TTYH2: variants seen among roughly 807,000 people sequenced by gnomAD.
TTYH2 encodes the protein tweety family member 2.
In TTYH2, 49 loss-of-function variants were observed where a neutral mutation model predicts 68.3. That is an observed-to-expected ratio of 0.72 (90% CI 0.57 to 0.91). The LOEUF is 0.91. Among genes scored for constraint, TTYH2 ranks in the 40% least tolerant of loss-of-function variants. The pLI is 0.00. For missense variants in TTYH2, 631 were observed against 700.4 expected, an observed-to-expected ratio of 0.90 and a Z score of 1.12; for synonymous variants, 272 against 300.8, an observed-to-expected ratio of 0.90 and a Z score of 0.99.
At chr17:74,250,930 T>C (rs2050616443) in intron 10 of TTYH2, among the ~76,000 whole-genome samples, 1 of 133,330 alleles carries the variant, frequency 7.5e-6, no homozygotes, top group African/African-American at 2.9e-5. Flanking sequence ...TTATATCCAG[T>C]ATGTCATTCA....
At chr17:74,237,264 C>T (rs757447999) in intron 3 of TTYH2, 30 bp from the exon 4 acceptor site, 8 of 1,608,914 alleles carry the variant, frequency 5.0e-6, no homozygotes, top group Admixed American at 1.7e-5. Context: ...AGCTCTACCT[C>T]CATGGCTTTT....
Position 74,215,325 on chromosome 17 carries a change from G to T in TTYH2, c.129+1609G>T, listed in dbSNP as rs1355000273. Among the ~76,000 whole-genome samples, 1 of 152,082 alleles carries T rather than the reference G, an allele frequency of 6.6e-6. No individual in the cohort carries two copies. Among genetic ancestry groups the T allele is most frequent in the African/African-American group, 2.4e-5 (1 of 41,408 alleles). On this transcript the variant is annotated intron_variant, in intron 1 of 13. Coordinates refer to ENST00000269346, the MANE Select transcript of TTYH2 (RefSeq NM_032646.6). This position sits in a 1 kb window ranked among gnomAD's most constrained non-coding sequence, Gnocchi z 4.3. ...TCAAGAAGACCCCTAGGTGGGGGTA[G>T]GGATGGTAAGGGGACTCCCTCACCC... is the stretch of plus-strand genomic sequence containing the variant.
chr17:74,249,016 C>G lies in TTYH2; in HGVS notation c.810C>G (p.Thr270=). 1.2e-6 allele frequency: 2 copies of G among 1,614,170 alleles called. No homozygotes were observed. Among genetic ancestry groups the G allele is most frequent in the Non-Finnish European group, 1.7e-6 (2 of 1,180,024 alleles). The change falls in exon 7 of 14, where the codon ACC becomes ACG. Residue 270 remains threonine (T), a synonymous_variant. Coordinates refer to ENST00000269346, the MANE Select transcript of TTYH2 (RefSeq NM_032646.6). ...LAADGSAAVA[T]SDFCVAPDTF... Reference sequence around the variant, plus strand: ...TCCCTCTCTCCCTCACTCAGGCCACCAGTGACTTCTGTGTGGCTCCTGACA... The same window carrying G: ...TCCCTCTCTCCCTCACTCAGGCCACGAGTGACTTCTGTGTGGCTCCTGACA...
At chr17:74,227,208 C>G (rs1199272444) in intron 2 of TTYH2, among the ~76,000 whole-genome samples, 1 of 152,164 alleles carries the variant, frequency 6.6e-6, no homozygotes, top group Non-Finnish European at 1.5e-5. Flanking sequence ...CTCTTGACCT[C>G]AGGTGATCTG....
Position 74,215,766 on chromosome 17 carries a change from G to C in TTYH2, c.129+2050G>C. The stretch of plus-strand genomic sequence containing the variant: ...TCTCCTGGATGTCTTCTTTCCTCCT[G>C]AGCACCAGTCACTAACAGAGTCAGG... On this transcript the variant is annotated intron_variant, in intron 1 of 13. Transcript: ENST00000269346. The surrounding 1 kb of genome is among the most constrained non-coding windows in gnomAD (Gnocchi z 4.3). The C allele has an allele frequency of 6.7e-7, 1 of 1,502,168 alleles. No homozygotes were observed. Among genetic ancestry groups the C allele is most frequent in the Admixed American group, 2.0e-5 (1 of 50,938 alleles). 93.1% of individuals were successfully genotyped at this position (1,502,168 alleles called of 1,614,324 possible).
Position 74,253,748 on chromosome 17 carries a change from C to A in TTYH2, c.1446-7C>A. 6.2e-7 allele frequency: 1 copy of A among 1,614,152 alleles called. No individual in the cohort carries two copies. Among genetic ancestry groups the A allele is most frequent in the Non-Finnish European group, 8.5e-7 (1 of 1,180,004 alleles). On this transcript the variant is annotated splice_polypyrimidine_tract_variant and splice_region_variant and intron_variant, in intron 12 of 13. Transcript: ENST00000269346. ...TCCCCTCCTGAGCTCTCCTCTCATC[C>A]CCGCAGGAACCAAGCCATGCTCTTT...
chr17:74,245,508 G>T (rs1233158454), intron 6 of TTYH2, among the ~76,000 whole-genome samples: 1 of 152,224 alleles, frequency 6.6e-6, no homozygotes, highest in Non-Finnish European at 1.5e-5. Flanking sequence ...CTGCCCTGTG[G>T]TGGCCGCCCC....
intron 10 of TTYH2, 173 bp from the exon 11 acceptor site, chr17:74,252,061 T>G: frequency 1.3e-6 from 1 of 744,236 alleles, no homozygotes; most frequent in Non-Finnish European, 2.2e-6. Flanking sequence ...GAAGCCCCAT[T>G]GTGTTAGGCT....
chr17:74,246,275 G>C (rs1276745406), intron 6 of TTYH2, among the ~76,000 whole-genome samples: 4 of 152,140 alleles, frequency 2.6e-5, no homozygotes, highest in Non-Finnish European at 4.4e-5. Flanking sequence ...CAGCCACCCT[G>C]TCTGGGCCCA....
intron 3 of TTYH2, among the ~76,000 whole-genome samples, chr17:74,235,260 T>A (rs1448314552): frequency 6.6e-6 from 1 of 152,174 alleles, no homozygotes; most frequent in African/African-American, 2.4e-5. Flanking sequence ...TGGAATCTAA[T>A]CGGCCTTGCT....
Position 74,222,417 on chromosome 17 carries a change from G to T in TTYH2, c.130-68G>T. The T allele has an allele frequency of 6.6e-7, 1 of 1,504,318 alleles. No homozygotes were observed. Among genetic ancestry groups the T allele is most frequent in the Non-Finnish European group, 8.9e-7 (1 of 1,122,144 alleles). The allele number at this position is 1,504,318 out of a possible 1,614,324, so 93.2% of individuals were successfully genotyped here. On this transcript the variant is annotated intron_variant, in intron 1 of 13. Coordinates refer to ENST00000269346, the MANE Select transcript of TTYH2 (RefSeq NM_032646.6). The surrounding 1 kb of genome is among the most constrained non-coding windows in gnomAD (Gnocchi z 5.2). ...GGCAGTGGGGCACTCAGGGCCCAAGGGCAGGGCACTTCCAGAGCCCCGCAC... is the reference window on the plus strand; with the variant it reads ...GGCAGTGGGGCACTCAGGGCCCAAGTGCAGGGCACTTCCAGAGCCCCGCAC...
rs1014868673 is a variant in TTYH2 at position 74,248,267 on chromosome 17, G to A, written c.805-744G>A. ...TTATCCAGTCCCTAGAGCACCCCAG[G>A]CCAGATCTGGGGTGCGCCTGGCTTG... On this transcript the variant is annotated intron_variant, in intron 6 of 13. Transcript: ENST00000269346. 11 of 985,538 alleles carry A rather than the reference G, an allele frequency of 1.1e-5. No homozygotes were observed. The South Asian group carries it at 3.8e-4, about 34-fold the overall frequency. The allele number at this position is 985,538 out of a possible 1,614,324, so 61.0% of individuals were successfully genotyped here. A position where few individuals can be genotyped will look rare whatever the true frequency, so the allele number is the denominator to read the frequency against.
At chr17:74,240,068 G>A (rs2050483605) in intron 4 of TTYH2, among the ~76,000 whole-genome samples, 1 of 152,220 alleles carries the variant, frequency 6.6e-6, no homozygotes, top group Non-Finnish European at 1.5e-5. Flanking sequence ...GAAGGATGGT[G>A]TCAACTGCAC....
chr17:74,228,086 C>T (rs533611913), intron 2 of TTYH2, among the ~76,000 whole-genome samples: 4 of 149,288 alleles, frequency 2.7e-5, no homozygotes, highest in Non-Finnish European at 4.4e-5. Flanking sequence ...TGGGTTCTAG[C>T]GATTCTCCTG....
intron 8 of TTYH2, 147 bp from the exon 9 acceptor site, chr17:74,249,789 G>T: frequency 2.3e-6 from 2 of 866,460 alleles, no homozygotes; most frequent in Non-Finnish European, 3.7e-6. Flanking sequence ...AAGTGGAGGG[G>T]CCTGTGCAGC....
chr17:74,215,579 A>C lies in TTYH2; in HGVS notation c.129+1863A>C. 6.6e-7 allele frequency: 1 copy of C among 1,513,060 alleles called. No homozygotes were observed. The allele number at this position is 1,513,060 out of a possible 1,614,324, so 93.7% of individuals were successfully genotyped here. A position where few individuals can be genotyped will look rare whatever the true frequency, so the allele number is the denominator to read the frequency against. On this transcript the variant is annotated intron_variant, in intron 1 of 13. Transcript: ENST00000269346. The surrounding 1 kb of genome is among the most constrained non-coding windows in gnomAD (Gnocchi z 4.3). ...CGGCCACTGCTCCTGGGCAGCTGAC[A>C]CCAGCCCTGCCCACTGGCTCCTGGT...
chr17:74,253,794 G>C lies in TTYH2; in HGVS notation c.1485G>C (p.Glu495Asp). 1 of 1,614,182 alleles carries C rather than the reference G, an allele frequency of 6.2e-7. No homozygotes were observed. The highest frequency in any genetic ancestry group is 8.5e-7 in the Non-Finnish European group (1 of 1,180,034). ...TCTTTGGTAGGAACCCACGCTACGA[G>C]AACGTGCCACTAATCGGGAGAGCCT... ...AMLFGRNPRY[E>D]NVPLIGRASP... Residue 495 changes from glutamate to aspartate, a missense_variant, in exon 13 of 14, where the codon GAG (glutamate) becomes GAC (aspartate). Glu to Asp is a conservative substitution (Grantham distance 45). Transcript: ENST00000269346.
intron 2 of TTYH2, among the ~76,000 whole-genome samples, chr17:74,224,868 G>A (rs1038678942): frequency 3.9e-5 from 6 of 152,086 alleles, no homozygotes; most frequent in Admixed American, 2.0e-4. Context: ...GCGTGGTGGC[G>A]AGTGCCTGTA....
At chr17:74,242,245 G>A (rs1402288731) in intron 4 of TTYH2, among the ~76,000 whole-genome samples, 1 of 152,168 alleles carries the variant, frequency 6.6e-6, no homozygotes, top group Non-Finnish European at 1.5e-5. Flanking sequence ...GAGGCTGGAG[G>A]TCTGCAGGGC....
Sources: allele counts gnomAD v4.1 joint callset (sites outside exome capture counted in the v4.1 genomes callset), GRCh38; gene constraint gnomAD v4.1.1; non-coding constraint Gnocchi (gnomAD v3.1); transcripts MANE v1.5; gene names NCBI Gene and HGNC (gene_info 2026-07-23, HGNC 2026-07-21).